Variants in NDUFB7 observed in about 807,000 individuals in gnomAD.
The protein encoded by NDUFB7 is NADH dehydrogenase [ubiquinone] 1 beta subcomplex subunit 7.
In NDUFB7, 18 loss-of-function variants were observed where a neutral mutation model predicts 14.7. That is an observed-to-expected ratio of 1.22 (90% CI 0.85 to 1.81). The LOEUF (loss-of-function observed/expected upper bound fraction) is 1.81. Ranked by LOEUF, NDUFB7 falls within the 40% of genes most tolerant of loss-of-function variation. The pLI is 0.00. For synonymous variants in NDUFB7, 86 were observed against 76.1 expected (o/e 1.13, Z -0.68); for missense variants, 219 against 195.0 (o/e 1.12, Z -0.73).
chr19:14,568,048 TTTTTC>T (rs757419807), intron 1 of NDUFB7, among the ~76,000 whole-genome samples: 1 of 151,938 alleles, frequency 6.6e-6, no homozygotes, highest in African/African-American at 2.4e-5. Flanking sequence ...TCTGGGAGCC[TTTTTC>T]TTTTCTTTTG....
In NDUFB7 at chr19:14,566,819, T is replaced by G; in HGVS notation, c.227A>C (p.Asn76Thr). 6.5e-7 allele frequency: 1 copy of G among 1,550,062 alleles called. No homozygotes were observed. Among genetic ancestry groups the G allele is most frequent in the Non-Finnish European group, 8.7e-7 (1 of 1,148,356 alleles). Residue 76 changes from asparagine to threonine, a missense_variant, in exon 2 of 3, where the codon AAC (asparagine) becomes ACC (threonine). Coordinates refer to ENST00000215565, the MANE Select transcript of NDUFB7 (RefSeq NM_004146.6). ...LLKCKRDSFP[N>T]FLACKQERHD... ...CCGCTCCTGCTTGCAGGCCAGGAAG[T>G]TGGGGAAGCTGTCACGCTTGCACTT... is the stretch of plus-strand genomic sequence containing the variant.
chr19:14,570,058 A>G (rs1175786573), intron 1 of NDUFB7, among the ~76,000 whole-genome samples: 2 of 151,422 alleles, frequency 1.3e-5, no homozygotes, highest in Non-Finnish European at 2.9e-5. Context: ...CACCTGGCTA[A>G]TTTTTGTATT....
In NDUFB7 at chr19:14,566,834, C is replaced by T. The variant is rs778158600; in HGVS notation, c.212G>A (p.Arg71His). 4.5e-6 allele frequency: 7 copies of T among 1,556,824 alleles called. No homozygotes were observed. The highest frequency in any genetic ancestry group is 5.2e-6 in the Non-Finnish European group (6 of 1,152,008). The change falls in exon 2 of 3, where the codon CGT (arginine) becomes CAT (histidine). Residue 71 changes from arginine (R) to histidine (H), a missense_variant. By Grantham distance (29) the Arg-to-His change is conservative. Coordinates refer to ENST00000215565, the MANE Select transcript of NDUFB7 (RefSeq NM_004146.6). ...HHLIRLLKCK[R>H]DSFPNFLACK... ...GGCCAGGAAGTTGGGGAAGCTGTCA[C>T]GCTTGCACTTGAGCAGCCGGATGAG...
At chr19:14,570,539 G>A (rs1394388625) in intron 1 of NDUFB7, among the ~76,000 whole-genome samples, 3 of 151,760 alleles carry the variant, frequency 2.0e-5, no homozygotes, top group Non-Finnish European at 2.9e-5. Context: ...GTTTCACCAT[G>A]TTGGCCAGGC....
At chr19:14,568,475 A>G (rs1365867714) in intron 1 of NDUFB7, among the ~76,000 whole-genome samples, 3 of 152,104 alleles carry the variant, frequency 2.0e-5, no homozygotes, top group Non-Finnish European at 4.4e-5. Flanking sequence ...CTGCACTTGG[A>G]GCTCCAGGTG....
chr19:14,567,347 C>T lies in NDUFB7; in HGVS notation c.113-414G>A, dbSNP rs1345780860. 2.0e-5 allele frequency among the ~76,000 whole-genome samples: 3 copies of T among 152,108 alleles called. No homozygotes were observed. Among genetic ancestry groups the T allele is most frequent in the Non-Finnish European group, 1.5e-5 (1 of 68,020 alleles). ...TGCACCTGGGGCTCCAGGCAGCACT[C>T]CCAGCCTTTCTTGTCTGCAACCCAC... On this transcript the variant is annotated intron_variant, in intron 1 of 2. Transcript: ENST00000215565. This position sits in a 1 kb window ranked among gnomAD's most constrained non-coding sequence, Gnocchi z 5.1.
At chr19:14,569,340 A>G (rs1806372730) in intron 1 of NDUFB7, among the ~76,000 whole-genome samples, 1 of 152,142 alleles carries the variant, frequency 6.6e-6, no homozygotes. Flanking sequence ...AATTGTAGAG[A>G]CAGGGCCTTG....
At chr19:14,569,524 G>T (rs192963365) in intron 1 of NDUFB7, among the ~76,000 whole-genome samples, 37 of 152,278 alleles carry the variant, frequency 2.4e-4, no homozygotes, top group African/African-American at 8.9e-4. Flanking sequence ...CCAAGGAAGG[G>T]AAAGAGGTGA....
chr19:14,570,177 ATAAGCCACCGTGCCCGGCT>A lies in NDUFB7; in HGVS notation c.112+1693_112+1711del, dbSNP rs1193936509. 2.7e-5 allele frequency among the ~76,000 whole-genome samples: 4 copies of A among 148,846 alleles called. No homozygotes were observed. In the East Asian group the frequency reaches 8.2e-4, roughly 31 times the overall value. On this transcript the variant is annotated intron_variant, in intron 1 of 2. Coordinates refer to ENST00000215565, the MANE Select transcript of NDUFB7 (RefSeq NM_004146.6). Reference sequence around the variant, plus strand: ...CTCCCAAAGTGCTGGGATTACAGGCATAAGCCACCGTGCCCGGCTTAATTTTTGTATTTTGTTTTTGAGA... The same window carrying A: ...CTCCCAAAGTGCTGGGATTACAGGCATAATTTTTGTATTTTGTTTTTGAGA...
rs2074082675 is a variant in NDUFB7, at chr19:14,566,267, T to C, written c.282-2A>G. ...AACTCCTTCATGCGCATCACATAGC[T>C]GGGGGAAAAGCACGAGAGGGGCTGT... is the stretch of plus-strand genomic sequence containing the variant. On this transcript the variant is annotated splice_acceptor_variant, in intron 2 of 2. Transcript: ENST00000215565. LOFTEE classifies it high-confidence loss of function. The C allele has an allele frequency of 6.2e-7, 1 of 1,613,686 alleles. No homozygotes were observed. The highest frequency in any genetic ancestry group is 8.5e-7 in the Non-Finnish European group (1 of 1,179,950).
intron 1 of NDUFB7, among the ~76,000 whole-genome samples, chr19:14,571,348 C>T (rs1355102497): frequency 2.0e-5 from 3 of 152,140 alleles, no homozygotes; most frequent in African/African-American, 7.2e-5. Context: ...GCGATCCCAG[C>T]ACTTGGGGAG....
intron 2 of NDUFB7, 93 bp downstream of exon 2, chr19:14,566,672 A>C: frequency 3.9e-5 from 27 of 688,540 alleles, no homozygotes; most frequent in Middle Eastern, 5.1e-4. Context: ...CGGGCTGGGC[A>C]TGTGGGGGGC....
chr19:14,571,551 C>T (rs2074125085), intron 1 of NDUFB7, among the ~76,000 whole-genome samples: 2 of 151,900 alleles, frequency 1.3e-5, no homozygotes. Flanking sequence ...TGAATCGAGA[C>T]CAAGCCACTG....
Position 14,572,048 on chromosome 19 carries a change from C to T in NDUFB7, c.-48G>A. On this transcript the variant is annotated 5_prime_UTR_variant, in exon 1 of 3. Coordinates refer to ENST00000215565, the MANE Select transcript of NDUFB7 (RefSeq NM_004146.6). The stretch of plus-strand genomic sequence containing the variant: ...TGCAGCAGCCGAGGGTCACCTAGCT[C>T]CTACCCGGAACCACTGACCCCTCAG... The T allele has an allele frequency of 7.0e-7, 1 of 1,433,042 alleles. No individual in the cohort carries two copies. Among genetic ancestry groups the T allele is most frequent in the Non-Finnish European group, 9.5e-7 (1 of 1,052,582 alleles). The allele number at this position is 1,433,042 out of a possible 1,614,324, so 88.8% of individuals were successfully genotyped here.
chr19:14,566,181 C>G lies in NDUFB7; in HGVS notation c.366G>C (p.Leu122Phe), dbSNP rs770260525. The G allele has an allele frequency of 6.2e-7, 1 of 1,613,668 alleles. No homozygotes were observed. The highest frequency in any genetic ancestry group is 8.5e-7 in the Non-Finnish European group (1 of 1,179,860). ...CTTCCCCGGGTCCCTGGCCTTTGGC[C>G]AACTCTGCCGCCTTCTTCTCCCGCC... ...KKRREKKAAELAKGQGPGEVD... is the reference protein window; with the variant it reads ...KKRREKKAAEFAKGQGPGEVD... Residue 122 changes from leucine (L) to phenylalanine (F), a missense_variant, in exon 3 of 3, where the codon TTG becomes TTC. Coordinates refer to ENST00000215565, the MANE Select transcript of NDUFB7 (RefSeq NM_004146.6).
At chr19:14,571,856 G>A (rs778562126) in intron 1 of NDUFB7, 33 bp downstream of exon 1, 73 of 1,581,976 alleles carry the variant, frequency 4.6e-5, no homozygotes, top group Non-Finnish European at 5.8e-5. Flanking sequence ...CGCGCCCCAC[G>A]CCCTCTGGCT....
At chr19:14,571,657 C>A (rs890862888) in intron 1 of NDUFB7, among the ~76,000 whole-genome samples, 7 of 152,276 alleles carry the variant, frequency 4.6e-5, no homozygotes, top group African/African-American at 1.7e-4. Flanking sequence ...CCCGAACCCC[C>A]ACTTGTCGCC....
At chr19:14,570,351 C>G (rs2074117612) in intron 1 of NDUFB7, among the ~76,000 whole-genome samples, 2 of 152,086 alleles carry the variant, frequency 1.3e-5, no homozygotes, top group Admixed American at 1.3e-4. Flanking sequence ...AGGTGTGCAC[C>G]ACCACGCCCC....
chr19:14,571,942 AG>A lies in NDUFB7; in HGVS notation c.58del (p.Leu20CysfsTer27). ...LGDASVEPDP[L>X]QMPTFPPDYG... is the part of the protein sequence containing the mutation. ...GTCTGGCGGGAAGGTTGGCATCTGC[AG>A]GGGGTCGGGCTCCACCGAGGCATCG... On this transcript the variant is annotated frameshift_variant, in exon 1 of 3. Coordinates refer to ENST00000215565, the MANE Select transcript of NDUFB7 (RefSeq NM_004146.6). LOFTEE classifies it high-confidence loss of function. 1 of 1,612,128 alleles carries A rather than the reference AG, an allele frequency of 6.2e-7. No homozygotes were observed. Among genetic ancestry groups the A allele is most frequent in the East Asian group, 2.2e-5 (1 of 44,840 alleles).
Sources: gnomAD v4.1 joint callset for allele counts (sites outside exome capture counted in the v4.1 genomes callset) on GRCh38, gnomAD v4.1.1 for gene constraint, Gnocchi (gnomAD v3.1) non-coding constraint, MANE v1.5 for transcripts, NCBI Gene and HGNC (gene_info 2026-07-23, HGNC 2026-07-21) for gene names.